The following KDM1B variants were observed in gnomAD, a reference collection of about 807,000 sequenced individuals.
KDM1B encodes lysine demethylase 1B, also known as lysine-specific histone demethylase 2.
KDM1B carries 63 observed loss-of-function variants against 107.4 expected under a neutral mutation model. The ratio of observed to expected loss-of-function variants is 0.59; its 90% CI spans 0.48 to 0.72. The LOEUF is 0.72. KDM1B is among the 30% of genes least tolerant of loss of function. KDM1B has a pLI of 0.00. For missense variants in KDM1B, 749 were observed against 1,020.8 expected (o/e 0.73, Z 3.63); for synonymous variants, 363 against 363.9 (o/e 1.00, Z 0.03).
chr6:18,171,651 C>T (rs773084138), intron 7 of KDM1B, among the ~76,000 whole-genome samples, 172 bp downstream of exon 7: 26 of 152,098 alleles, frequency 1.7e-4, no homozygotes, highest in Non-Finnish European at 3.2e-4. Flanking sequence ...TTTACTTTTC[C>T]GTCATTATAA....
chr6:18,192,531 T>C (rs1262781299), intron 10 of KDM1B, among the ~76,000 whole-genome samples: 2 of 152,198 alleles, frequency 1.3e-5, no homozygotes, highest in African/African-American at 4.8e-5. Flanking sequence ...CTGAGTAGGC[T>C]GTGCAACTTA....
chr6:18,197,513 C>T lies in KDM1B; in HGVS notation c.1147-74C>T, dbSNP rs1787725488. 6.0e-6 allele frequency: 7 copies of T among 1,157,816 alleles called. No individual in the cohort carries two copies. The Admixed American group carries it at 7.5e-5, about 12-fold the overall frequency. The allele number at this position is 1,157,816 out of a possible 1,614,324, so 71.7% of individuals were successfully genotyped here. On this transcript the variant is annotated intron_variant, in intron 11 of 21. Coordinates refer to ENST00000650836, the MANE Select transcript of KDM1B (RefSeq NM_001364614.2). This position sits in a 1 kb window ranked among gnomAD's most constrained non-coding sequence, Gnocchi z 4.5. ...AATGTAAATGAACGAATTTGCTCTG[C>T]AGTTCCGGAACAACTAAAACAGGAC...
chr6:18,168,511 T>C lies in KDM1B; in HGVS notation c.417+2133T>C, dbSNP rs575769118. ...CACAGTTTTTTTAAGCATTCATCTA[T>C]TGATGGACATCTAGATCATTTCAAG... On this transcript the variant is annotated intron_variant, in intron 6 of 21. Transcript: ENST00000650836. Among the ~76,000 whole-genome samples the C allele has an allele frequency of 4.6e-5, 7 of 152,370 alleles. No individual in the cohort carries two copies. The East Asian group carries it at 1.3e-3, about 29-fold the overall frequency.
intron 21 of KDM1B, among the ~76,000 whole-genome samples, chr6:18,221,509 C>A (rs1164636985): frequency 6.6e-6 from 1 of 152,102 alleles, no homozygotes; most frequent in African/African-American, 2.4e-5. Context: ...ACGTAACTCT[C>A]TACCTATTTT....
At chr6:18,180,883 T>TA (rs1466966288) in intron 7 of KDM1B, among the ~76,000 whole-genome samples, 1 of 152,252 alleles carries the variant, frequency 6.6e-6, no homozygotes, top group Non-Finnish European at 1.5e-5. Flanking sequence ...CTGTGATTTT[T>TA]ACATTTTGTT....
intron 21 of KDM1B, among the ~76,000 whole-genome samples, chr6:18,218,425 T>C (rs1379749476): frequency 6.6e-6 from 1 of 152,180 alleles, no homozygotes; most frequent in Admixed American, 6.5e-5. Flanking sequence ...GCCCAGCCTA[T>C]GATGTCATCT....
chr6:18,200,044 A>G lies in KDM1B; in HGVS notation c.1222-395A>G, dbSNP rs1052959667. ...CAGGTGCATGCCACCACACCCGACTATGTATTTCTGGTAGAGACAGGGTTT... is the reference window on the plus strand; with the variant it reads ...CAGGTGCATGCCACCACACCCGACTGTGTATTTCTGGTAGAGACAGGGTTT... On this transcript the variant is annotated intron_variant, in intron 12 of 21. Transcript: ENST00000650836. The surrounding 1 kb of genome is among the most constrained non-coding windows in gnomAD (Gnocchi z 4.3). Among the ~76,000 whole-genome samples, 4 of 152,118 alleles carry G rather than the reference A, an allele frequency of 2.6e-5. No individual in the cohort carries two copies. Among genetic ancestry groups the G allele is most frequent in the Admixed American group, 2.0e-4 (3 of 15,272 alleles).
At chr6:18,173,984 C>G (rs538671081) in intron 7 of KDM1B, among the ~76,000 whole-genome samples, 1 of 152,272 alleles carries the variant, frequency 6.6e-6, no homozygotes, top group Admixed American at 6.5e-5. Flanking sequence ...GAGGGTTTCA[C>G]CATGTTGGCC....
chr6:18,191,258 C>G lies in KDM1B; in HGVS notation c.846C>G (p.Leu282=). 1 of 1,550,670 alleles carries G rather than the reference C, an allele frequency of 6.4e-7. No homozygotes were observed. Among genetic ancestry groups the G allele is most frequent in the Non-Finnish European group, 8.7e-7 (1 of 1,147,024 alleles). Reference sequence around the variant, plus strand: ...AGCCCAATGAGTGTGGCAAAGCCCTCTGTGTGAGGCCGGATGTGATGGAAC... The same window carrying G: ...AGCCCAATGAGTGTGGCAAAGCCCTGTGTGTGAGGCCGGATGTGATGGAAC... ...FYQPNECGKA[L]CVRPDVMELD... Residue 282 remains leucine (L), a synonymous_variant, in exon 10 of 22, where the codon CTC becomes CTG. Coordinates refer to ENST00000650836, the MANE Select transcript of KDM1B (RefSeq NM_001364614.2). This position sits in a 1 kb window ranked among gnomAD's most constrained non-coding sequence, Gnocchi z 5.1.
intron 2 of KDM1B, among the ~76,000 whole-genome samples, chr6:18,156,997 AT>A (rs1784653777): frequency 6.6e-6 from 1 of 152,236 alleles, no homozygotes; most frequent in South Asian, 2.1e-4. Context: ...ATATTGATAT[AT>A]CCACTTATAT....
In KDM1B at chr6:18,203,801, C is replaced by G. The variant is rs1448634978; in HGVS notation, c.1532-1736C>G. Among the ~76,000 whole-genome samples the G allele has an allele frequency of 6.9e-6, 1 of 145,328 alleles. No homozygotes were observed. The highest frequency in any genetic ancestry group is 2.0e-4 in the East Asian group (1 of 4,978). On this transcript the variant is annotated intron_variant, in intron 14 of 21. Transcript: ENST00000650836. This position sits in a 1 kb window ranked among gnomAD's most constrained non-coding sequence, Gnocchi z 5.5. Reference sequence around the variant, plus strand: ...CTGGGAGGCAGAGGTTGCAGTGAGACAAGATCAGGCCATTGCACTTCAGTC... The same window carrying G: ...CTGGGAGGCAGAGGTTGCAGTGAGAGAAGATCAGGCCATTGCACTTCAGTC...
intron 15 of KDM1B, among the ~76,000 whole-genome samples, chr6:18,206,226 AAGGAAG>A (rs1788361565): frequency 6.6e-6 from 1 of 151,518 alleles, no homozygotes; most frequent in African/African-American, 2.4e-5. Context: ...CGTAAAAACA[AAGGAAG>A]AGGCTGGGTG....
intron 7 of KDM1B, among the ~76,000 whole-genome samples, chr6:18,174,112 A>G (rs887443816): frequency 6.6e-6 from 1 of 152,148 alleles, no homozygotes; most frequent in Non-Finnish European, 1.5e-5. Flanking sequence ...AAAAAAATCA[A>G]TTGGCCGTAT....
chr6:18,165,690 G>A (rs1785252754), intron 5 of KDM1B, among the ~76,000 whole-genome samples: 1 of 152,152 alleles, frequency 6.6e-6, no homozygotes, highest in Non-Finnish European at 1.5e-5. Context: ...AGGCATGGTG[G>A]CAGGTGCCTT....
At chr6:18,169,384 G>A (rs1310678198) in intron 6 of KDM1B, among the ~76,000 whole-genome samples, 4 of 151,070 alleles carry the variant, frequency 2.6e-5, no homozygotes, top group East Asian at 2.0e-4. Context: ...ACAGGCACCC[G>A]CCACCACACC....
chr6:18,180,244 A>AT (rs113151449), intron 7 of KDM1B, among the ~76,000 whole-genome samples: 260 of 152,082 alleles, frequency 1.7e-3, no homozygotes, highest in African/African-American at 6.1e-3. Flanking sequence ...GAACTGAGCA[A>AT]TGAAAATACC....
Position 18,200,873 on chromosome 6 carries a change from A to C in KDM1B, c.1359+297A>C, listed in dbSNP as rs1169803393. ...TAGCATATAAAAATCCAGAATTCTC[A>C]ATTAAATTTCATTTTCAGATAAACA... is the stretch of plus-strand genomic sequence containing the variant. On this transcript the variant is annotated intron_variant, in intron 13 of 21. Coordinates refer to ENST00000650836, the MANE Select transcript of KDM1B (RefSeq NM_001364614.2). This position sits in a 1 kb window ranked among gnomAD's most constrained non-coding sequence, Gnocchi z 4.3. Among the ~76,000 whole-genome samples, 4 of 152,194 alleles carry C rather than the reference A, an allele frequency of 2.6e-5. No homozygotes were observed. The highest frequency in any genetic ancestry group is 4.4e-5 in the Non-Finnish European group (3 of 68,038).
intron 6 of KDM1B, among the ~76,000 whole-genome samples, chr6:18,168,792 C>G (rs1298476885): frequency 6.6e-6 from 1 of 152,158 alleles, no homozygotes; most frequent in East Asian, 1.9e-4. Context: ...TCCCTAATGA[C>G]TAATGCAACC....
At chr6:18,194,689 A>G (rs187794023) in intron 10 of KDM1B, among the ~76,000 whole-genome samples, 4 of 151,932 alleles carry the variant, frequency 2.6e-5, no homozygotes, top group East Asian at 2.0e-4. Context: ...AATGGAGACA[A>G]GGTCTTGCTA....
Sources: allele counts gnomAD v4.1 joint callset (sites outside exome capture counted in the v4.1 genomes callset), GRCh38; gene constraint gnomAD v4.1.1; non-coding constraint Gnocchi (gnomAD v3.1); transcripts MANE v1.5; gene names NCBI Gene and HGNC (gene_info 2026-07-23, HGNC 2026-07-21).